Variants in METTL15 observed in about 807,000 individuals in gnomAD.
The protein encoded by METTL15 is 12S rRNA N(4)-cytidine methyltransferase METTL15.
METTL15 carries 34 observed loss-of-function variants against 38.3 expected under a neutral mutation model. That is an observed-to-expected ratio of 0.89 (90% CI 0.68 to 1.18). The LOEUF (loss-of-function observed/expected upper bound fraction) is 1.18. Ranked by LOEUF, METTL15 falls within the 50% of genes most tolerant of loss-of-function variation. METTL15 has a pLI of 0.00. For synonymous variants in METTL15, 162 were observed against 170.9 expected (o/e 0.95, Z 0.41); for missense variants, 438 against 498.4 (o/e 0.88, Z 1.15).
chr11:28,395,366 T>C (rs1387317537), intron 5 of METTL15, among the ~76,000 whole-genome samples: 3 of 152,124 alleles, frequency 2.0e-5, no homozygotes, highest in Non-Finnish European at 4.4e-5. Context: ...TGAGGGATGG[T>C]AAATGAGTTC....
intron 6 of METTL15, among the ~76,000 whole-genome samples, chr11:28,493,212 A>G (rs1316212417): frequency 2.0e-5 from 3 of 152,094 alleles, no homozygotes; most frequent in Non-Finnish European, 4.4e-5. Flanking sequence ...AAAGCCAAGA[A>G]ATCAGTTGGC....
intron 5 of METTL15, among the ~76,000 whole-genome samples, chr11:28,423,230 CT>C (rs1369924115): frequency 2.0e-5 from 3 of 151,978 alleles, no homozygotes; most frequent in African/African-American, 7.2e-5. Flanking sequence ...AAAGAGAACC[CT>C]TATACACTGT....
At chr11:28,437,186 G>C (rs994546263) in intron 6 of METTL15, among the ~76,000 whole-genome samples, 3 of 152,112 alleles carry the variant, frequency 2.0e-5, no homozygotes, top group African/African-American at 7.2e-5. Flanking sequence ...ACTCAGACTG[G>C]GCCACTACTG....
intron 6 of METTL15, among the ~76,000 whole-genome samples, chr11:28,308,583 C>T (rs1857159675): frequency 6.6e-6 from 1 of 152,122 alleles, no homozygotes; most frequent in Non-Finnish European, 1.5e-5. Flanking sequence ...TTGAAATTAG[C>T]TATAACTGAT....
intron 3 of METTL15, among the ~76,000 whole-genome samples, chr11:28,151,975 G>T (rs1475398969): frequency 6.6e-6 from 1 of 151,920 alleles, no homozygotes; most frequent in Non-Finnish European, 1.5e-5. Flanking sequence ...ATAGTTATTT[G>T]CTTCTGAAAT....
chr11:28,394,198 T>G (rs1198646819), intron 5 of METTL15, among the ~76,000 whole-genome samples: 1 of 152,002 alleles, frequency 6.6e-6, no homozygotes, highest in African/African-American at 2.4e-5. Context: ...AGGAACAATC[T>G]TGAGCAATTA....
At chr11:28,294,528 A>G (rs953634224) in intron 5 of METTL15, among the ~76,000 whole-genome samples, 1 of 152,194 alleles carries the variant, frequency 6.6e-6, no homozygotes, top group Non-Finnish European at 1.5e-5. Flanking sequence ...TGTAGAAGCA[A>G]TAGAAAGAAA....
downstream of METTL15, among the ~76,000 whole-genome samples, chr11:28,333,809 G>GCACAACATAC (rs1484967430): frequency 7.3e-5 from 11 of 151,716 alleles, no homozygotes; most frequent in African/African-American, 2.4e-4. Flanking sequence ...ACAAGCAGTA[G>GCACAACATAC]TTTATAAGAG....
downstream of METTL15, among the ~76,000 whole-genome samples, chr11:28,530,477 G>A (rs756246414): frequency 6.6e-6 from 1 of 152,102 alleles, no homozygotes; most frequent in Non-Finnish European, 1.5e-5. Flanking sequence ...CAAAGCTCTA[G>A]AATTATGGGC....
chr11:28,196,245 T>A (rs1299359675), intron 3 of METTL15, among the ~76,000 whole-genome samples: 1 of 152,016 alleles, frequency 6.6e-6, no homozygotes, highest in African/African-American at 2.4e-5. Context: ...ATGAATAACA[T>A]TAGTATTTTG....
In METTL15 at chr11:28,296,846, T is replaced by C. The variant is rs767145123; in HGVS notation, c.693T>C (p.His231=). ...SILRTYGEEK[H]AKKIASAIVQ... is the part of the protein sequence containing the mutation. ...TAAGAACATACGGGGAGGAGAAGCA[T>C]GCCAAGAAAATCGCTTCAGCAATTG... Residue 231 remains histidine (H), a synonymous_variant, in exon 6 of 7, where the codon CAT becomes CAC. Transcript: ENST00000407364. The C allele has an allele frequency of 5.0e-6, 8 of 1,613,610 alleles. No individual in the cohort carries two copies. The highest frequency in any genetic ancestry group is 5.9e-6 in the Non-Finnish European group (7 of 1,179,726).
At chr11:28,257,839 T>G (rs748337426) in intron 4 of METTL15, among the ~76,000 whole-genome samples, 5 of 152,198 alleles carry the variant, frequency 3.3e-5, no homozygotes, top group Non-Finnish European at 7.3e-5. Flanking sequence ...TATTTTGAAT[T>G]CTCTGTCTGA....
chr11:28,386,809 T>A (rs774738832), intron 5 of METTL15, among the ~76,000 whole-genome samples: 3 of 151,948 alleles, frequency 2.0e-5, no homozygotes, highest in Non-Finnish European at 4.4e-5. Context: ...CCGTGTTAGA[T>A]CACAAGATCA....
At chr11:28,508,269 C>A (rs1851646293) in intron 6 of METTL15, among the ~76,000 whole-genome samples, 1 of 151,980 alleles carries the variant, frequency 6.6e-6, no homozygotes, top group Non-Finnish European at 1.5e-5. Context: ...TATGTAAAGC[C>A]TACTGGAATT....
chr11:28,240,737 G>A (rs1057322454), intron 4 of METTL15, among the ~76,000 whole-genome samples: 1 of 152,050 alleles, frequency 6.6e-6, no homozygotes. Context: ...ACTTGAATCG[G>A]TCTTAACCAA....
chr11:28,295,910 C>T (rs535353278), intron 5 of METTL15, among the ~76,000 whole-genome samples: 110 of 152,242 alleles, frequency 7.2e-4, no homozygotes, highest in African/African-American at 2.5e-3. Context: ...GCAGTAACTG[C>T]ACCATTAGCA....
At chr11:28,383,478 A>G (rs970936066) in intron 5 of METTL15, among the ~76,000 whole-genome samples, 6 of 152,190 alleles carry the variant, frequency 3.9e-5, no homozygotes, top group Non-Finnish European at 7.3e-5. Flanking sequence ...TTGGGTATAT[A>G]ACCAATAATA....
chr11:28,503,402 C>T (rs555096997), intron 6 of METTL15, among the ~76,000 whole-genome samples: 10 of 152,260 alleles, frequency 6.6e-5, no homozygotes, highest in Admixed American at 2.0e-4. Flanking sequence ...ACTCAGAAAC[C>T]GTATAAGATA....
intron 6 of METTL15, among the ~76,000 whole-genome samples, chr11:28,451,035 T>C (rs1851116092): frequency 1.3e-5 from 2 of 152,192 alleles, no homozygotes; most frequent in Middle Eastern, 3.2e-3. Context: ...TATGTTTGAC[T>C]CCAAAGGTCT....
Sources: allele counts gnomAD v4.1 joint callset (sites outside exome capture counted in the v4.1 genomes callset), GRCh38; gene constraint gnomAD v4.1.1; transcripts MANE v1.5; gene names NCBI Gene and HGNC (gene_info 2026-07-23, HGNC 2026-07-21).